Variants in CES5A observed in about 807,000 individuals in gnomAD.
CES5A encodes the protein carboxylesterase 5A, also known as carboxylesterase 5.
Under a neutral mutation model 62.9 loss-of-function variants are expected in CES5A, and 67 were observed. The observed-to-expected ratio is 1.07, with a 90% CI of 0.88 to 1.31. The LOEUF is 1.31. Among genes scored for constraint, CES5A ranks in the 50% most tolerant of loss-of-function variants. The probability of loss-of-function intolerance (pLI) is 0.00; values close to 1 mark genes in which losing one functional copy is unlikely to be tolerated. For synonymous variants in CES5A, 296 were observed against 280.8 expected, an observed-to-expected ratio of 1.05 and a Z score of -0.54; for missense variants, 748 against 708.5, an observed-to-expected ratio of 1.06 and a Z score of -0.63.
intron 9 of CES5A, among the ~76,000 whole-genome samples, chr16:55,855,910 G>A (rs1293152422): frequency 6.6e-6 from 1 of 152,116 alleles, no homozygotes; most frequent in African/African-American, 2.4e-5. Flanking sequence ...TGATTGGATC[G>A]TAGGGGCAGT....
chr16:55,874,992 A>G (rs529117260), intron 1 of CES5A, among the ~76,000 whole-genome samples, 157 bp downstream of exon 1: 1 of 152,360 alleles, frequency 6.6e-6, no homozygotes, highest in East Asian at 1.9e-4. Context: ...CTCTGGTCCT[A>G]GGTTCTCGGC....
chr16:55,951,846 G>A (rs2034561048), intron 1 of CES5A, among the ~76,000 whole-genome samples: 1 of 152,150 alleles, frequency 6.6e-6, no homozygotes, highest in African/African-American at 2.4e-5. Flanking sequence ...TACAATCATG[G>A]TAAGAGACCT....
chr16:55,951,649 T>C (rs550939616), intron 1 of CES5A, among the ~76,000 whole-genome samples: 13 of 152,202 alleles, frequency 8.5e-5, no homozygotes, highest in African/African-American at 3.1e-4. Context: ...CAAGTTGTAA[T>C]AATATCAAAC....
intron 9 of CES5A, 104 bp downstream of exon 9, chr16:55,856,273 A>G: frequency 1.1e-6 from 1 of 933,114 alleles, no homozygotes. Flanking sequence ...TGACTGAGTG[A>G]GTGAGGAGTG....
chr16:55,954,321 A>C (rs191647273), intron 1 of CES5A, among the ~76,000 whole-genome samples: 1 of 152,214 alleles, frequency 6.6e-6, no homozygotes, highest in Non-Finnish European at 1.5e-5. Context: ...AATGCATTGC[A>C]TGCATTGGAA....
chr16:55,864,958 G>A (rs1241662603), intron 5 of CES5A, among the ~76,000 whole-genome samples: 2 of 152,082 alleles, frequency 1.3e-5, no homozygotes, highest in East Asian at 1.9e-4. Flanking sequence ...TGTAATCCCA[G>A]CACTTTGGGA....
rs1478109120 is a variant in CES5A at position 55,891,165 on chromosome 16, A to T, written c.-255-17128T>A. On this transcript the variant is annotated intron_variant, in intron 1 of 12. Coordinates refer to the CES5A transcript ENST00000518005. ...CACTCTCTTTAAATTAGCCAATCAG[A>T]AATGGTTTAGCCTGTGTGGTCTAAC... Among the ~76,000 whole-genome samples the T allele has an allele frequency of 2.0e-5, 3 of 152,290 alleles. No individual in the cohort carries two copies. In the East Asian group the frequency reaches 5.8e-4, roughly 29 times the overall value.
At chr16:55,894,911 T>C (rs1413655641) in intron 1 of CES5A, among the ~76,000 whole-genome samples, 1 of 152,184 alleles carries the variant, frequency 6.6e-6, no homozygotes, top group African/African-American at 2.4e-5. Flanking sequence ...ACAATAAACT[T>C]ACCAAAAAGC....
chr16:55,898,077 T>C (rs1205569031), intron 1 of CES5A, among the ~76,000 whole-genome samples: 1 of 152,220 alleles, frequency 6.6e-6, no homozygotes, highest in Non-Finnish European at 1.5e-5. Flanking sequence ...GTATGGACAA[T>C]GACCATGAGG....
upstream of CES5A, among the ~76,000 whole-genome samples, chr16:55,927,292 C>T (rs2034267066): frequency 6.6e-6 from 1 of 152,074 alleles, no homozygotes; most frequent in Admixed American, 6.5e-5. Flanking sequence ...AAGGCTTCTG[C>T]ACAGCAGAAG....
intron 11 of CES5A, among the ~76,000 whole-genome samples, chr16:55,848,262 G>A (rs930073323): frequency 6.6e-6 from 1 of 151,986 alleles, no homozygotes; most frequent in Non-Finnish European, 1.5e-5. Context: ...GTGCCACCAT[G>A]CTTGGCTAAT....
chr16:55,904,969 G>A (rs928719837), intron 1 of CES5A, among the ~76,000 whole-genome samples: 8 of 152,176 alleles, frequency 5.3e-5, no homozygotes, highest in African/African-American at 1.9e-4. Context: ...CCCAAAGAGA[G>A]TATCAGGATA....
At chr16:55,942,806 A>T (rs893060344) in intron 2 of CES5A, among the ~76,000 whole-genome samples, 6 of 152,272 alleles carry the variant, frequency 3.9e-5, no homozygotes, top group Non-Finnish European at 7.3e-5. Context: ...ATAAACAAAT[A>T]GTGGTATGTC....
intron 1 of CES5A, among the ~76,000 whole-genome samples, chr16:55,914,324 C>T (rs2034123126): frequency 6.6e-6 from 1 of 152,060 alleles, no homozygotes; most frequent in Non-Finnish European, 1.5e-5. Context: ...TCACTTTCTC[C>T]CCTCTTCAAG....
At chr16:55,950,194 G>A (rs78929962) in intron 1 of CES5A, among the ~76,000 whole-genome samples, 1,718 of 152,212 alleles carry the variant, frequency 0.011, 52 homozygotes, top group East Asian at 0.099. Context: ...GGCAGCAGGA[G>A]CACCCAAGGA....
At chr16:55,939,753 A>G (rs1211031250) in intron 2 of CES5A, among the ~76,000 whole-genome samples, 1 of 152,192 alleles carries the variant, frequency 6.6e-6, no homozygotes, top group African/African-American at 2.4e-5. Flanking sequence ...ATCCACCAAG[A>G]TAGAGCATGA....
At chr16:55,898,801 T>C (rs1422217176) in intron 1 of CES5A, among the ~76,000 whole-genome samples, 1 of 152,288 alleles carries the variant, frequency 6.6e-6, no homozygotes, top group East Asian at 1.9e-4. Context: ...GACCAGGGCA[T>C]GGTGGTCCCA....
chr16:55,944,936 A>C (rs1223013378), intron 2 of CES5A, among the ~76,000 whole-genome samples: 1 of 152,222 alleles, frequency 6.6e-6, no homozygotes, highest in African/African-American at 2.4e-5. Flanking sequence ...CTCAAGGGAA[A>C]GAAGGGGGAC....
chr16:55,944,132 T>A, intron 2 of CES5A: 1 of 701,876 alleles, frequency 1.4e-6, no homozygotes, highest in Non-Finnish European at 2.6e-6. Flanking sequence ...TCTGACAACC[T>A]CTCTGTATTA....
Sources: allele counts gnomAD v4.1 joint callset (sites outside exome capture counted in the v4.1 genomes callset), GRCh38; gene constraint gnomAD v4.1.1; transcripts MANE v1.5; gene names NCBI Gene and HGNC (gene_info 2026-07-23, HGNC 2026-07-21).